The following KCND2 variants were observed in gnomAD, a reference collection of about 807,000 sequenced individuals.
The protein encoded by KCND2 is A-type voltage-gated potassium channel KCND2.
KCND2 carries 16 observed loss-of-function variants against 54.4 expected under a neutral mutation model. The ratio of observed to expected loss-of-function variants is 0.29; its 90% CI spans 0.20 to 0.45. The LOEUF is 0.45. Among genes scored for constraint, KCND2 ranks in the 20% least tolerant of loss-of-function variants. The pLI, the probability that KCND2 is intolerant of heterozygous loss-of-function variation, is 1.00. For synonymous variants in KCND2, 317 were observed against 310.7 expected, an observed-to-expected ratio of 1.02 and a Z score of -0.21; for missense variants, 486 against 824.2, an observed-to-expected ratio of 0.59 and a Z score of 5.02.
intron 1 of KCND2, among the ~76,000 whole-genome samples, chr7:120,384,998 C>CTTTT (rs372225817): frequency 0.1 from 8,364 of 82,506 alleles, 2,005 homozygotes; most frequent in Non-Finnish European, 0.13. Flanking sequence ...TTGTATATAA[C>CTTTT]TTTTTTTTTT....
At chr7:120,549,820 C>A (rs1792084980) in intron 1 of KCND2, among the ~76,000 whole-genome samples, 1 of 152,130 alleles carries the variant, frequency 6.6e-6, no homozygotes, top group African/African-American at 2.4e-5. Context: ...ATGAAAATAT[C>A]ATCTTAGTAT....
intron 1 of KCND2, among the ~76,000 whole-genome samples, chr7:120,668,148 G>A (rs923185892): frequency 8.6e-5 from 13 of 152,032 alleles, no homozygotes; most frequent in Non-Finnish European, 1.5e-4. Flanking sequence ...ACAAGGTTGC[G>A]CATTTCACCA....
At chr7:120,361,526 G>A (rs895449112) in intron 1 of KCND2, among the ~76,000 whole-genome samples, 6 of 151,914 alleles carry the variant, frequency 3.9e-5, no homozygotes, top group African/African-American at 1.5e-4. Flanking sequence ...ATTTGTAAAA[G>A]CCATTTATTT....
chr7:120,567,811 CA>C (rs1312157083), intron 1 of KCND2, among the ~76,000 whole-genome samples: 1 of 151,908 alleles, frequency 6.6e-6, no homozygotes, highest in African/African-American at 2.4e-5. Context: ...GTCATCATGC[CA>C]GAAAAGAAAA....
intron 1 of KCND2, among the ~76,000 whole-genome samples, chr7:120,382,417 C>A (rs1272478485): frequency 6.6e-6 from 1 of 151,782 alleles, no homozygotes; most frequent in African/African-American, 2.4e-5. Flanking sequence ...TAGAATAATT[C>A]TAATACATTT....
intron 1 of KCND2, among the ~76,000 whole-genome samples, chr7:120,334,337 A>C (rs997572522): frequency 6.6e-6 from 1 of 152,246 alleles, no homozygotes; most frequent in Non-Finnish European, 1.5e-5. Context: ...TGATGGTTAC[A>C]GGGACATTAA....
Position 120,733,172 on chromosome 7 carries a change from C to T in KCND2, c.1278+107C>T, listed in dbSNP as rs536195031. The T allele has an allele frequency of 4.0e-5, 44 of 1,090,242 alleles. No homozygotes were observed. In the African/African-American group the frequency reaches 5.8e-4, roughly 14 times the overall value. The allele number at this position is 1,090,242 out of a possible 1,614,324, so 67.5% of individuals were successfully genotyped here. A position where few individuals can be genotyped will look rare whatever the true frequency, so the allele number is the denominator to read the frequency against. On this transcript the variant is annotated intron_variant, in intron 2 of 5. Coordinates refer to ENST00000331113, the MANE Select transcript of KCND2 (RefSeq NM_012281.3). ...AGTGCTCTGGATTGGTCAGTAGTTG[C>T]ATCAATCAGGACCGAGTAGGTTATT...
chr7:120,742,371 C>A, intron 3 of KCND2, 139 bp from the exon 4 acceptor site: 1 of 738,430 alleles, frequency 1.4e-6, no homozygotes, highest in East Asian at 2.6e-5. Flanking sequence ...ACAGGAACTG[C>A]ACATTTGTTC....
At chr7:120,587,664 A>G (rs1395501799) in intron 1 of KCND2, among the ~76,000 whole-genome samples, 2 of 152,148 alleles carry the variant, frequency 1.3e-5, no homozygotes, top group Non-Finnish European at 2.9e-5. Flanking sequence ...TTCTCTTCAT[A>G]TAATGATGAA....
chr7:120,552,060 A>G (rs948069894), intron 1 of KCND2, among the ~76,000 whole-genome samples: 1 of 152,206 alleles, frequency 6.6e-6, no homozygotes, highest in Admixed American at 6.5e-5. Context: ...GAGAAAATAG[A>G]TTGCAATAAA....
intron 1 of KCND2, among the ~76,000 whole-genome samples, chr7:120,567,798 G>T (rs749610458): frequency 1.3e-5 from 2 of 151,836 alleles, no homozygotes; most frequent in African/African-American, 2.4e-5. Context: ...CAACATCATG[G>T]GTGTCATCAT....
At chr7:120,460,424 T>C (rs1802266384) in intron 1 of KCND2, among the ~76,000 whole-genome samples, 1 of 152,134 alleles carries the variant, frequency 6.6e-6, no homozygotes, top group South Asian at 2.1e-4. Flanking sequence ...CTTTTTCCAC[T>C]TTCTTGCATC....
In KCND2 at chr7:120,372,716, C is replaced by A. The variant is rs893859392; in HGVS notation, c.1115+96969C>A. Among the ~76,000 whole-genome samples, 9 of 151,782 alleles carry A rather than the reference C, an allele frequency of 5.9e-5. No individual in the cohort carries two copies. The South Asian group carries it at 1.9e-3, about 31-fold the overall frequency. The stretch of plus-strand genomic sequence containing the variant: ...ACTCTAGAACTTTCACACAAATAAT[C>A]AAAACTGTGAATAGAAATTCGTCTT... On this transcript the variant is annotated intron_variant, in intron 1 of 5. Coordinates refer to ENST00000331113, the MANE Select transcript of KCND2 (RefSeq NM_012281.3).
At chr7:120,285,500 A>G (rs1168655279) in intron 1 of KCND2, among the ~76,000 whole-genome samples, 1 of 152,014 alleles carries the variant, frequency 6.6e-6, no homozygotes, top group Non-Finnish European at 1.5e-5. Context: ...TCTCATAGAC[A>G]TTCAGAAGAG....
chr7:120,520,408 T>A (rs1038507964), intron 1 of KCND2, among the ~76,000 whole-genome samples: 1 of 152,188 alleles, frequency 6.6e-6, no homozygotes, highest in African/African-American at 2.4e-5. Flanking sequence ...TATCTCACTG[T>A]ATCTATATGT....
At chr7:120,353,881 T>C (rs1800452024) in intron 1 of KCND2, among the ~76,000 whole-genome samples, 1 of 152,232 alleles carries the variant, frequency 6.6e-6, no homozygotes, top group Admixed American at 6.5e-5. Context: ...AACTGTTCTA[T>C]TCTTCATCTC....
At chr7:120,532,475 G>A (rs1052338454) in intron 1 of KCND2, among the ~76,000 whole-genome samples, 3 of 151,656 alleles carry the variant, frequency 2.0e-5, no homozygotes, top group African/African-American at 7.3e-5. Flanking sequence ...CTAAAATTTT[G>A]TATTTTGTAA....
At chr7:120,593,490 G>A (rs1792696365) in intron 1 of KCND2, among the ~76,000 whole-genome samples, 1 of 151,972 alleles carries the variant, frequency 6.6e-6, no homozygotes, top group Admixed American at 6.6e-5. Flanking sequence ...CTGTTATTAA[G>A]ACCAAGCCAA....
chr7:120,576,783 T>A (rs534044805), intron 1 of KCND2, among the ~76,000 whole-genome samples: 17 of 152,332 alleles, frequency 1.1e-4, no homozygotes, highest in African/African-American at 4.1e-4. Context: ...TATTGCTTAC[T>A]GTTTTACTCT....
Sources: allele counts gnomAD v4.1 joint callset (sites outside exome capture counted in the v4.1 genomes callset), GRCh38; gene constraint gnomAD v4.1.1; transcripts MANE v1.5; gene names NCBI Gene and HGNC (gene_info 2026-07-23, HGNC 2026-07-21).